SPG7: variants seen among roughly 807,000 people sequenced by gnomAD.
SPG7 encodes mitochondrial inner membrane m-AAA protease component paraplegin.
In SPG7, 103 loss-of-function variants were observed where a neutral mutation model predicts 81.9. The ratio of observed to expected loss-of-function variants is 1.26; its 90% CI spans 1.07 to 1.48. SPG7 has a LOEUF of 1.48. SPG7 is among the 40% of genes most tolerant of loss of function. The pLI is 0.00. For synonymous variants in SPG7, 534 were observed against 444.2 expected (o/e 1.20, Z -2.54); for missense variants, 1,241 against 1,087.3 (o/e 1.14, Z -1.99).
chr16:89,513,171 G>A (rs776536792), intron 3 of SPG7, 134 bp downstream of exon 3: 19 of 1,333,654 alleles, frequency 1.4e-5, no homozygotes, highest in South Asian at 2.5e-5. Flanking sequence ...ACTTGTAATC[G>A]AAACGCTTTG....
Position 89,508,526 on chromosome 16 carries a change from C to A in SPG7, c.109C>A (p.Pro37Thr). 6.6e-7 allele frequency: 1 copy of A among 1,513,612 alleles called. No individual in the cohort carries two copies. Among genetic ancestry groups the A allele is most frequent in the Admixed American group, 2.0e-5 (1 of 48,914 alleles). 93.8% of individuals were successfully genotyped at this position (1,513,612 alleles called of 1,614,324 possible). Residue 37 changes from proline (P) to threonine (T), a missense_variant, in exon 1 of 17, where the codon CCC becomes ACC. Pro to Thr is a conservative substitution (Grantham distance 38). Transcript: ENST00000645818. Reference sequence around the variant, plus strand: ...CTGGAGTCCAGGGTTCCCCGCCAGGCCCGGGAGGGGGCGGCCGTACATGGC... The same window carrying A: ...CTGGAGTCCAGGGTTCCCCGCCAGGACCGGGAGGGGGCGGCCGTACATGGC... ...PAWSPGFPAR[P>T]GRGRPYMASR...
chr16:89,521,068 G>A (rs2058181954), intron 3 of SPG7: 1 of 152,240 alleles, frequency 6.6e-6, no homozygotes. Flanking sequence ...CAGAGCATAT[G>A]GATTTTTCCC....
At chr16:89,509,438 A>T (rs1344596535) in intron 1 of SPG7, among the ~76,000 whole-genome samples, 1 of 152,024 alleles carries the variant, frequency 6.6e-6, no homozygotes, top group Non-Finnish European at 1.5e-5. Flanking sequence ...TTTAGTAGAG[A>T]CGGGGTTTCA....
At chr16:89,553,772 C>G in intron 14 of SPG7, 22 bp from the exon 15 acceptor site, 1 of 1,613,100 alleles carries the variant, frequency 6.2e-7, no homozygotes, top group Non-Finnish European at 8.5e-7. Flanking sequence ...GAGGATGCCT[C>G]TGTCTCGACC....
chr16:89,531,037 A>G (rs1361549268), intron 7 of SPG7: 1 of 635,770 alleles, frequency 1.6e-6, no homozygotes, highest in South Asian at 1.8e-5. Context: ...ACCCATGCCT[A>G]CTGTGCCGTT....
intron 11 of SPG7, chr16:89,546,965 G>GCCCCA (rs2058572592): frequency 3.5e-6 from 2 of 568,670 alleles, no homozygotes; most frequent in Non-Finnish European, 6.4e-6. Flanking sequence ...CCTCCGCCCC[G>GCCCCA]GGGTGGAAAA....
intron 7 of SPG7, 154 bp downstream of exon 7, chr16:89,530,962 T>A: frequency 6.1e-6 from 6 of 978,098 alleles, no homozygotes; most frequent in Non-Finnish European, 3.2e-6. Context: ...AAGCAGGTGC[T>A]GGTGCCTGTT....
chr16:89,544,616 C>G, intron 9 of SPG7, 32 bp from the exon 10 acceptor site: 1 of 1,613,304 alleles, frequency 6.2e-7, no homozygotes, highest in Non-Finnish European at 8.5e-7. Context: ...GGACCCCTAC[C>G]CTCAGAGCCA....
At position 89,557,257 on chromosome 16, in the gene SPG7, T is replaced by G. The variant is rs2058696832; in HGVS notation, c.*164T>G. ...TGATTGATGACCCTTTTCATGATTT[T>G]AAGTTTCTCTGCAGAAACTACTGAC... is the stretch of plus-strand genomic sequence containing the variant. On this transcript the variant is annotated 3_prime_UTR_variant, in exon 17 of 17. Coordinates refer to ENST00000645818, the MANE Select transcript of SPG7 (RefSeq NM_003119.4). 1.6e-6 allele frequency: 1 copy of G among 610,172 alleles called. No homozygotes were observed. Among genetic ancestry groups the G allele is most frequent in the African/African-American group, 1.8e-5 (1 of 54,148 alleles). The allele number at this position is 610,172 out of a possible 1,614,324, so 37.8% of individuals were successfully genotyped here.
rs1306012072 is a variant in SPG7, at chr16:89,508,599, A to G, written c.182A>G (p.Gln61Arg). 1.2e-5 allele frequency: 17 copies of G among 1,465,594 alleles called. No individual in the cohort carries two copies. Among genetic ancestry groups the G allele is most frequent in the Non-Finnish European group, 1.4e-5 (16 of 1,113,718 alleles). 90.8% of individuals were successfully genotyped at this position (1,465,594 alleles called of 1,614,324 possible). A position where few individuals can be genotyped will look rare whatever the true frequency, so the allele number is the denominator to read the frequency against. ...DLAEAGGRAL[Q>R]SLQLRLLTPT... ...GCCGAGGCTGGAGGCCGAGCTCTGC[A>G]GGTAAATCCCCGCGGAGTCCGGGCC... is the stretch of plus-strand genomic sequence containing the variant. The change falls in exon 1 of 17, where the codon CAG becomes CGG. Residue 61 changes from glutamine (Q) to arginine (R), a missense_variant and splice_region_variant. Gln to Arg is a conservative substitution (Grantham distance 43). Coordinates refer to ENST00000645818, the MANE Select transcript of SPG7 (RefSeq NM_003119.4).
At position 89,550,286 on chromosome 16, in the gene SPG7, C is replaced by T. The variant is rs2058619752; in HGVS notation, c.1664-208C>T. On this transcript the variant is annotated intron_variant, in intron 12 of 16. Coordinates refer to ENST00000645818, the MANE Select transcript of SPG7 (RefSeq NM_003119.4). The stretch of plus-strand genomic sequence containing the variant: ...CTCTCAGGTTCAAGTGATTCTCTTG[C>T]CTCAGCCTCCCAAGTAGCTGGGACT... 4 of 531,718 alleles carry T rather than the reference C, an allele frequency of 7.5e-6. No individual in the cohort carries two copies. The Admixed American group carries it at 1.0e-4, about 14-fold the overall frequency. The allele number at this position is 531,718 out of a possible 1,614,324, so 32.9% of individuals were successfully genotyped here. A position where few individuals can be genotyped will look rare whatever the true frequency, so the allele number is the denominator to read the frequency against.
At chr16:89,510,649 A>G in intron 2 of SPG7, 57 bp downstream of exon 2, 6 of 1,040,198 alleles carry the variant, frequency 5.8e-6, no homozygotes, top group South Asian at 5.1e-5. Context: ...CGCCTCAGCT[A>G]CTTGGGAGGC....
At chr16:89,512,649 G>C (rs2058037677) in intron 2 of SPG7, among the ~76,000 whole-genome samples, 1 of 152,148 alleles carries the variant, frequency 6.6e-6, no homozygotes, top group Non-Finnish European at 1.5e-5. Context: ...ATATTAAAGG[G>C]ATTCGTGATA....
chr16:89,525,035 C>A (rs1398942472), intron 4 of SPG7, among the ~76,000 whole-genome samples: 2 of 147,788 alleles, frequency 1.4e-5, no homozygotes, highest in Non-Finnish European at 3.0e-5. Flanking sequence ...TGTCGGCTCA[C>A]TGCAGCCTTG....
At chr16:89,536,984 T>C (rs1397158292) in intron 9 of SPG7, 28 of 1,613,488 alleles carry the variant, frequency 1.7e-5, no homozygotes, top group Non-Finnish European at 2.3e-5. Context: ...CCACATAACC[T>C]CTCTGTGCCA....
intron 9 of SPG7, chr16:89,533,832 ATTG>A (rs932011835): frequency 2.0e-5 from 3 of 151,680 alleles, no homozygotes; most frequent in Non-Finnish European, 2.9e-5. Context: ...TTATGTGGAT[ATTG>A]TTGTGGTAAA....
chr16:89,550,373 A>G (rs901317233), intron 12 of SPG7, 121 bp from the exon 13 acceptor site: 13 of 757,338 alleles, frequency 1.7e-5, no homozygotes, highest in Middle Eastern at 2.3e-4. Flanking sequence ...GGGTTTCACC[A>G]TATTGGTCGG....
intron 9 of SPG7, chr16:89,537,415 C>T: frequency 9.5e-7 from 1 of 1,048,104 alleles, no homozygotes; most frequent in South Asian, 3.5e-5. Context: ...GCTGCGGAAG[C>T]CCAGCGGTTC....
At chr16:89,541,361 G>C in intron 9 of SPG7, 3 of 972,612 alleles carry the variant, frequency 3.1e-6, no homozygotes, top group Non-Finnish European at 3.7e-6. Context: ...GAAGAGCCAG[G>C]CTTAGTATCG....
Sources: gnomAD v4.1 joint callset for allele counts (sites outside exome capture counted in the v4.1 genomes callset) on GRCh38, gnomAD v4.1.1 for gene constraint, MANE v1.5 for transcripts, NCBI Gene and HGNC (gene_info 2026-07-23, HGNC 2026-07-21) for gene names.